Variants in TRIOBP observed in about 807,000 individuals in gnomAD.
TRIOBP encodes the protein TRIO and F-actin binding protein, also known as TRIO and F-actin-binding protein.
In TRIOBP, 169 loss-of-function variants were observed where a neutral mutation model predicts 238.8. The ratio of observed to expected loss-of-function variants is 0.71; its 90% CI spans 0.62 to 0.80. The LOEUF is 0.80. Among genes scored for constraint, TRIOBP ranks in the 30% least tolerant of loss-of-function variants. The pLI is 0.00. For synonymous variants in TRIOBP, 1,150 were observed against 1,274.4 expected (o/e 0.90, Z 2.08); for missense variants, 2,838 against 3,122.6 (o/e 0.91, Z 2.17).
At chr22:37,705,530 T>C (rs1187611878) in intron 3 of TRIOBP, among the ~76,000 whole-genome samples, 7 of 152,086 alleles carry the variant, frequency 4.6e-5, no homozygotes, top group Admixed American at 4.6e-4. Context: ...CTTGTGCGGC[T>C]TTGTGGACAT....
chr22:37,728,261 C>CAA lies in TRIOBP; in HGVS notation c.3947+1780_3947+1781dup, dbSNP rs67412135. Among the ~76,000 whole-genome samples the CAA allele has an allele frequency of 3.7e-3, 291 of 77,644 alleles. 2 individuals are homozygous for CAA. Among genetic ancestry groups the CAA allele is most frequent in the Middle Eastern group, 0.013 (2 of 160 alleles). 50.9% of individuals were successfully genotyped at this position (77,644 alleles called of 152,430 possible). A position where few individuals can be genotyped will look rare whatever the true frequency, so the allele number is the denominator to read the frequency against. On this transcript the variant is annotated intron_variant, in intron 7 of 23. Transcript: ENST00000644935. ...TGGGTGACAGAGTGAGACTCCGTCTCAAAAAAAAAAAAAAAAAAAAAAATT... is the reference window on the plus strand; with the variant it reads ...TGGGTGACAGAGTGAGACTCCGTCTCAAAAAAAAAAAAAAAAAAAAAAAAATT...
In TRIOBP at chr22:37,724,596, C is replaced by T. The variant is rs1162209041; in HGVS notation, c.2040C>T (p.Asp680=). 1 of 1,612,084 alleles carries T rather than the reference C, an allele frequency of 6.2e-7. No homozygotes were observed. Among genetic ancestry groups the T allele is most frequent in the Admixed American group, 1.7e-5 (1 of 59,760 alleles). The change falls in exon 7 of 24, where the codon GAC becomes GAT. Residue 680 remains aspartate (D), a synonymous_variant. Coordinates refer to ENST00000644935, the MANE Select transcript of TRIOBP (RefSeq NM_001039141.3). ...CCAGAACATCCTGTGCCCTACGGGA[C>T]AATCCCAGAGCCTCCTCTCCCAGCA... is the stretch of plus-strand genomic sequence containing the variant. ...ENPRTSCALR[D]NPRASSPSRT...
At chr22:37,702,026 C>T (rs1456292399) in intron 3 of TRIOBP, among the ~76,000 whole-genome samples, 1 of 152,012 alleles carries the variant, frequency 6.6e-6, no homozygotes, top group East Asian at 1.9e-4. Context: ...TCACTTGAAC[C>T]TGGGAGGCGG....
rs141022698 is a variant in TRIOBP, at chr22:37,775,045, G to A, written c.*1265G>A. 54 of 152,414 alleles carry A rather than the reference G, an allele frequency of 3.5e-4. No homozygotes were observed. Among genetic ancestry groups the A allele is most frequent in the African/African-American group, 1.1e-3 (47 of 41,546 alleles). The allele number at this position is 152,414 out of a possible 1,614,324, so 9.4% of individuals were successfully genotyped here. On this transcript the variant is annotated 3_prime_UTR_variant, in exon 24 of 24. Coordinates refer to ENST00000644935, the MANE Select transcript of TRIOBP (RefSeq NM_001039141.3). ...TGTGGCTGCCAGGCACAGGTCCAGC[G>A]GGCTGGGAGTCCTCACCATGGCTGG...
chr22:37,769,310 A>G lies in TRIOBP; in HGVS notation c.6784A>G (p.Ile2262Val), dbSNP rs763966914. The G allele has an allele frequency of 6.2e-7, 1 of 1,612,010 alleles. No individual in the cohort carries two copies. The highest frequency in any genetic ancestry group is 1.7e-5 in the Admixed American group (1 of 59,944). The change falls in exon 21 of 24, where the codon ATT becomes GTT. Residue 2262 changes from isoleucine to valine, a missense_variant. Ile to Val is a conservative substitution (Grantham distance 29). Coordinates refer to ENST00000644935, the MANE Select transcript of TRIOBP (RefSeq NM_001039141.3). ...SEEIDQLRGF[I>V]ASQGMGNGCG... ...GGAGATAGACCAGCTGCGCGGCTTC[A>G]TTGCCTCGCAGGGCATGGGCAATGG...
chr22:37,757,307 G>A (rs920817706), intron 15 of TRIOBP, among the ~76,000 whole-genome samples: 8 of 152,282 alleles, frequency 5.3e-5, no homozygotes, highest in Admixed American at 4.6e-4. Context: ...AGGCTGCAGT[G>A]AACTATGATC....
rs1926978377 is a variant in TRIOBP at position 37,775,350 on chromosome 22, G to A, written c.*1570G>A. On this transcript the variant is annotated 3_prime_UTR_variant, in exon 24 of 24. Coordinates refer to ENST00000644935, the MANE Select transcript of TRIOBP (RefSeq NM_001039141.3). ...GGAGAGTGACCTCGTGGAGTGGGAA[G>A]AGATTGTTTCCCATTCCCTTGCCAG... The A allele has an allele frequency of 6.6e-6, 1 of 152,276 alleles. No homozygotes were observed. The highest frequency in any genetic ancestry group is 6.5e-5 in the Admixed American group (1 of 15,280). The allele number at this position is 152,276 out of a possible 1,614,324, so 9.4% of individuals were successfully genotyped here.
chr22:37,721,548 G>A (rs1923830551), intron 6 of TRIOBP, among the ~76,000 whole-genome samples: 1 of 152,160 alleles, frequency 6.6e-6, no homozygotes, highest in African/African-American at 2.4e-5. Flanking sequence ...CACATTCTTG[G>A]CTCACTGCAA....
intron 3 of TRIOBP, among the ~76,000 whole-genome samples, chr22:37,704,381 TCAGAACAGAACAGAACAGAA>T (rs71195040): frequency 0.087 from 11,949 of 137,682 alleles, 651 homozygotes; most frequent in African/African-American, 0.14. Flanking sequence ...GGACCCTGAC[TCAGAACAGAACAGAACAGAA>T]CAGAACAGAA....
intron 8 of TRIOBP, among the ~76,000 whole-genome samples, chr22:37,733,940 T>C (rs938346199): frequency 6.6e-6 from 1 of 152,224 alleles, no homozygotes; most frequent in Non-Finnish European, 1.5e-5. Flanking sequence ...GTGCTGGGAT[T>C]ACAGGCGTGA....
At chr22:37,716,022 C>T (rs1018470450) in intron 6 of TRIOBP, 88 bp downstream of exon 6, 108 of 1,475,476 alleles carry the variant, frequency 7.3e-5, no homozygotes, top group Non-Finnish European at 9.6e-5. Context: ...ACTCTGGGCA[C>T]GGCTTACTTT....
intron 6 of TRIOBP, among the ~76,000 whole-genome samples, chr22:37,719,512 A>G (rs561489507): frequency 6.6e-6 from 1 of 152,236 alleles, no homozygotes; most frequent in Non-Finnish European, 1.5e-5. Flanking sequence ...ACTGAGGAGC[A>G]ATGTTCACTC....
chr22:37,726,369 T>C lies in TRIOBP; in HGVS notation c.3813T>C (p.Thr1271=), dbSNP rs1290936476. Residue 1271 remains threonine (T), a synonymous_variant, in exon 7 of 24, where the codon ACT becomes ACC. Coordinates refer to ENST00000644935, the MANE Select transcript of TRIOBP (RefSeq NM_001039141.3). ...TRHNLEREEY[T]VLADLPPPRR... is the part of the protein sequence containing the mutation. ...ACAACTTGGAGCGGGAGGAGTACAC[T>C]GTGCTGGCCGACCTGCCCCCACCCA... 3.8e-6 allele frequency: 6 copies of C among 1,596,564 alleles called. No individual in the cohort carries two copies. The African/African-American group carries it at 8.0e-5, about 21-fold the overall frequency.
chr22:37,745,234 T>C (rs1925162653), intron 11 of TRIOBP, among the ~76,000 whole-genome samples: 1 of 152,182 alleles, frequency 6.6e-6, no homozygotes, highest in African/African-American at 2.4e-5. Context: ...CAAGCTTCCC[T>C]GCCTCCTTGC....
intron 6 of TRIOBP, among the ~76,000 whole-genome samples, chr22:37,718,468 G>A (rs547302348): frequency 4.4e-4 from 67 of 151,896 alleles, no homozygotes; most frequent in Non-Finnish European, 1.6e-4. Flanking sequence ...GGGGAGAGCG[G>A]GAAGATACCA....
At chr22:37,751,504 C>T in intron 11 of TRIOBP, 1 of 539,370 alleles carries the variant, frequency 1.9e-6, no homozygotes, top group Non-Finnish European at 3.4e-6. Context: ...AGAGAGGCCC[C>T]TGGGACATCT....
Position 37,719,989 on chromosome 22 carries a change from C to CACCCTGCACTCACTGTTTCACTCAT in TRIOBP, c.629-3196_629-3195insACCCTGCACTCACTGTTTCACTCAT, listed in dbSNP as rs367687004. 8.4e-5 allele frequency among the ~76,000 whole-genome samples: 6 copies of CACCCTGCACTCACTGTTTCACTCAT among 71,206 alleles called. 2 individuals are homozygous for CACCCTGCACTCACTGTTTCACTCAT. The highest frequency in any genetic ancestry group is 8.3e-4 in the East Asian group (2 of 2,396). The allele number at this position is 71,206 out of a possible 152,430, so 46.7% of individuals were successfully genotyped here. ...ACACTGCACTCACTGTTTCACTCAT[C>CACCCTGCACTCACTGTTTCACTCAT]CCCCCCCGCCCTTTTTTTTTTTTTT... On this transcript the variant is annotated intron_variant, in intron 6 of 23. Coordinates refer to ENST00000644935, the MANE Select transcript of TRIOBP (RefSeq NM_001039141.3).
rs775766196 is a variant in TRIOBP at position 37,726,030 on chromosome 22, C to T, written c.3474C>T (p.Pro1158=). Reference sequence around the variant, plus strand: ...CCATGGACTCTCTGCACGAGTGCCCCCACATCCCCACCCCTGTGTGCATTG... The same window carrying T: ...CCATGGACTCTCTGCACGAGTGCCCTCACATCCCCACCCCTGTGTGCATTG... ...VPSMDSLHEC[P]HIPTPVCIGH... is the part of the protein sequence containing the mutation. The change falls in exon 7 of 24, where the codon CCC becomes CCT. Residue 1158 remains proline (P), a synonymous_variant. Coordinates refer to ENST00000644935, the MANE Select transcript of TRIOBP (RefSeq NM_001039141.3). 1 of 1,610,588 alleles carries T rather than the reference C, an allele frequency of 6.2e-7. No homozygotes were observed. Among genetic ancestry groups the T allele is most frequent in the Non-Finnish European group, 8.5e-7 (1 of 1,178,740 alleles).
At chr22:37,736,829 G>A (rs1429157117) in intron 9 of TRIOBP, among the ~76,000 whole-genome samples, 1 of 152,004 alleles carries the variant, frequency 6.6e-6, no homozygotes, top group African/African-American at 2.4e-5. Context: ...GTTTCTCCAT[G>A]TTGGTCAGGC....
Sources: allele counts gnomAD v4.1 joint callset (sites outside exome capture counted in the v4.1 genomes callset), GRCh38; gene constraint gnomAD v4.1.1; transcripts MANE v1.5; gene names NCBI Gene and HGNC (gene_info 2026-07-23, HGNC 2026-07-21).